KLHL29: variants seen among roughly 807,000 people sequenced by gnomAD.
KLHL29 encodes kelch like family member 29.
KLHL29 carries 21 observed loss-of-function variants against 80.4 expected under a neutral mutation model. The ratio of observed to expected loss-of-function variants is 0.26; its 90% CI spans 0.19 to 0.38. KLHL29 has a LOEUF of 0.38. Among genes scored for constraint, KLHL29 ranks in the 10% least tolerant of loss-of-function variants. The pLI is 1.00. For synonymous variants in KLHL29, 511 were observed against 526.8 expected, an observed-to-expected ratio of 0.97 and a Z score of 0.41; for missense variants, 867 against 1,223.9, an observed-to-expected ratio of 0.71 and a Z score of 4.35.
intron 3 of KLHL29, among the ~76,000 whole-genome samples, chr2:23,627,096 A>G (rs1056033757): frequency 6.6e-6 from 1 of 152,132 alleles, no homozygotes; most frequent in Non-Finnish European, 1.5e-5. Flanking sequence ...CTGCCCCAAG[A>G]GGGCTGTTTC....
At position 23,560,091 on chromosome 2, in the gene KLHL29, C is replaced by T. The variant is rs548799560; in HGVS notation, c.-45-2061C>T. On this transcript the variant is annotated intron_variant, in intron 2 of 13. Transcript: ENST00000486442. The stretch of plus-strand genomic sequence containing the variant: ...CCCATGACTTCAATGAGAACAGTTC[C>T]CATGGAGTGGCCAGGGCGAAGGCCA... 1.4e-4 allele frequency among the ~76,000 whole-genome samples: 21 copies of T among 152,266 alleles called. 1 individual carries two copies. In the East Asian group the frequency reaches 4.1e-3, roughly 29 times the overall value.
Position 23,596,627 on chromosome 2 carries a change from G to A in KLHL29, c.285+34146G>A, listed in dbSNP as rs1474479900. On this transcript the variant is annotated intron_variant, in intron 3 of 13. Transcript: ENST00000486442. The surrounding 1 kb of genome is among the most constrained non-coding windows in gnomAD (Gnocchi z 4.4). ...GCGGGAACACATCATGTCTGGGGAC[G>A]TATGCTGCCATCGTGGGAATGTGCC... 6.6e-6 allele frequency among the ~76,000 whole-genome samples: 1 copy of A among 152,170 alleles called. No homozygotes were observed. The highest frequency in any genetic ancestry group is 2.1e-4 in the South Asian group (1 of 4,816).
chr2:23,502,272 T>A (rs1290484993), intron 2 of KLHL29, among the ~76,000 whole-genome samples: 1 of 152,152 alleles, frequency 6.6e-6, no homozygotes, highest in Non-Finnish European at 1.5e-5. Context: ...GACTCCAGAT[T>A]AGAGGGAGAG....
chr2:23,695,276 C>A lies in KLHL29; in HGVS notation c.1543-347C>A, dbSNP rs113070923. Among the ~76,000 whole-genome samples, 346 of 152,290 alleles carry A rather than the reference C, an allele frequency of 2.3e-3. 3 individuals carry two copies. Among genetic ancestry groups the A allele is most frequent in the African/African-American group, 8.0e-3 (332 of 41,568 alleles). ...AATAATCGCGTCTTCCTCATTTTAACCCCTCGCCCCTGCCCCCAGTGGCCT... is the reference window on the plus strand; with the variant it reads ...AATAATCGCGTCTTCCTCATTTTAAACCCTCGCCCCTGCCCCCAGTGGCCT... On this transcript the variant is annotated intron_variant, in intron 8 of 13. Coordinates refer to ENST00000486442, the MANE Select transcript of KLHL29 (RefSeq NM_052920.2). This position sits in a 1 kb window ranked among gnomAD's most constrained non-coding sequence, Gnocchi z 7.6.
chr2:23,609,543 G>C (rs11125139), intron 3 of KLHL29, among the ~76,000 whole-genome samples: 26,567 of 151,838 alleles, frequency 0.17, 3,028 homozygotes, highest in Admixed American at 0.3. Flanking sequence ...GCTGGTTGTG[G>C]AGCGAGGGAA....
intron 1 of KLHL29, among the ~76,000 whole-genome samples, chr2:23,391,682 G>A (rs1039853296): frequency 1.3e-5 from 2 of 152,140 alleles, no homozygotes; most frequent in Middle Eastern, 3.2e-3. Flanking sequence ...TAATTCGCCT[G>A]TCTCTGCCTC....
At chr2:23,400,765 T>C (rs966229082) in intron 1 of KLHL29, among the ~76,000 whole-genome samples, 1 of 152,082 alleles carries the variant, frequency 6.6e-6, no homozygotes, top group Non-Finnish European at 1.5e-5. Flanking sequence ...AACCTCCTGG[T>C]TAAGGGTGCA....
At chr2:23,621,097 G>C (rs1387933952) in intron 3 of KLHL29, among the ~76,000 whole-genome samples, 1 of 152,204 alleles carries the variant, frequency 6.6e-6, no homozygotes, top group Non-Finnish European at 1.5e-5. Context: ...TCCAAGCCCC[G>C]GTCCCCTGGC....
chr2:23,404,530 C>T (rs576984001), intron 1 of KLHL29, among the ~76,000 whole-genome samples: 4 of 152,264 alleles, frequency 2.6e-5, no homozygotes, highest in South Asian at 2.1e-4. Context: ...TTCAGAAATC[C>T]GTGACATGAT....
intron 6 of KLHL29, chr2:23,691,313 C>A: frequency 3.4e-6 from 1 of 290,932 alleles, no homozygotes; most frequent in Non-Finnish European, 6.6e-6. Context: ...GGCTGGGATG[C>A]GTCGGCCTGC....
At chr2:23,553,460 G>A (rs1667179584) in intron 2 of KLHL29, among the ~76,000 whole-genome samples, 1 of 152,234 alleles carries the variant, frequency 6.6e-6, no homozygotes, top group Admixed American at 6.5e-5. Flanking sequence ...TGCTGCCTCA[G>A]AAGATTTAAA....
chr2:23,560,416 A>G (rs554773480), intron 2 of KLHL29, among the ~76,000 whole-genome samples: 4 of 152,002 alleles, frequency 2.6e-5, no homozygotes, highest in Non-Finnish European at 5.9e-5. Flanking sequence ...GACTACAGGC[A>G]CGTGCTGCCA....
chr2:23,532,485 C>T (rs1666523123), intron 2 of KLHL29: 10 of 439,956 alleles, frequency 2.3e-5, no homozygotes, highest in South Asian at 1.5e-4. Flanking sequence ...GCACCCAGGC[C>T]CCTGCTAGTG....
chr2:23,670,881 G>A lies in KLHL29; in HGVS notation c.941-13518G>A, dbSNP rs149580263. Among the ~76,000 whole-genome samples the A allele has an allele frequency of 9.0e-3, 1,318 of 146,220 alleles. 15 individuals carry two copies. The highest frequency in any genetic ancestry group is 0.015 in the Middle Eastern group (4 of 274). On this transcript the variant is annotated intron_variant, in intron 5 of 13. Coordinates refer to ENST00000486442, the MANE Select transcript of KLHL29 (RefSeq NM_052920.2). ...GGAAGACCATGAAGGGCACAGAGTG[G>A]GCAGAGAAGGGAGGGGTCTCTACAC... is the stretch of plus-strand genomic sequence containing the variant.
At position 23,435,636 on chromosome 2, in the gene KLHL29, C is replaced by T. The variant is rs547008312; in HGVS notation, c.-153-39924C>T. On this transcript the variant is annotated intron_variant, in intron 1 of 13. Transcript: ENST00000486442. ...CACTAAGTTTATTCATTTAAATGCCCGAACTTAAATTAACTGTTTTTGGAT... is the reference window on the plus strand; with the variant it reads ...CACTAAGTTTATTCATTTAAATGCCTGAACTTAAATTAACTGTTTTTGGAT... Among the ~76,000 whole-genome samples, 67 of 152,222 alleles carry T rather than the reference C, an allele frequency of 4.4e-4. 1 individual carries two copies. Among genetic ancestry groups the T allele is most frequent in the Non-Finnish European group, 6.0e-4 (41 of 68,024 alleles).
chr2:23,597,336 T>TGTGG (rs1668438644), intron 3 of KLHL29, among the ~76,000 whole-genome samples: 1 of 141,992 alleles, frequency 7.0e-6, no homozygotes, highest in Admixed American at 7.3e-5. Context: ...TGTGTGTGTG[T>TGTGG]GTGTGTGTGT....
chr2:23,465,746 G>A (rs554419672), intron 1 of KLHL29, among the ~76,000 whole-genome samples: 2 of 152,100 alleles, frequency 1.3e-5, no homozygotes, highest in African/African-American at 2.4e-5. Context: ...ATTTCTTCAC[G>A]TTGATCTTTC....
intron 1 of KLHL29, among the ~76,000 whole-genome samples, chr2:23,467,447 T>A (rs1664382256): frequency 6.6e-6 from 1 of 152,266 alleles, no homozygotes; most frequent in South Asian, 2.1e-4. Flanking sequence ...GTCTGTAGTT[T>A]ATTTTTAAAT....
intron 3 of KLHL29, among the ~76,000 whole-genome samples, chr2:23,602,484 TGAG>T (rs556757168): frequency 3.3e-5 from 5 of 152,242 alleles, no homozygotes; most frequent in African/African-American, 1.2e-4. Flanking sequence ...GAGTCCTGTG[TGAG>T]GCCAGTGGGG....
Sources: allele counts gnomAD v4.1 joint callset (sites outside exome capture counted in the v4.1 genomes callset), GRCh38; gene constraint gnomAD v4.1.1; non-coding constraint Gnocchi (gnomAD v3.1); transcripts MANE v1.5; gene names NCBI Gene and HGNC (gene_info 2026-07-23, HGNC 2026-07-21).